The following FMNL2 variants were observed in gnomAD, a reference collection of about 807,000 sequenced individuals.
FMNL2 encodes the protein formin-like protein 2.
In FMNL2, 51 loss-of-function variants were observed where a neutral mutation model predicts 130.2. That is an observed-to-expected ratio of 0.39 (90% CI 0.31 to 0.49). The LOEUF (loss-of-function observed/expected upper bound fraction) is 0.49. Among genes scored for constraint, FMNL2 ranks in the 20% least tolerant of loss-of-function variants. FMNL2 has a pLI of 0.85. For synonymous variants in FMNL2, 465 were observed against 467.1 expected (o/e 1.00, Z 0.06); for missense variants, 977 against 1,316.2 (o/e 0.74, Z 3.99).
intron 14 of FMNL2, 23 bp from the exon 15 acceptor site, chr2:152,619,486 T>C (rs1699121309): frequency 6.5e-7 from 1 of 1,549,740 alleles, no homozygotes; most frequent in African/African-American, 1.4e-5. Context: ...TCAAAGTCCA[T>C]CTGTTTCTTT....
chr2:152,381,810 C>CTTTT (rs3047878), intron 1 of FMNL2, among the ~76,000 whole-genome samples: 4 of 149,910 alleles, frequency 2.7e-5, no homozygotes, highest in African/African-American at 4.9e-5. Flanking sequence ...CAAAGCAGAA[C>CTTTT]TTTTTTTTTT....
In FMNL2 at chr2:152,631,543, A is replaced by G. The variant is rs542036519; in HGVS notation, c.2551-465A>G. ...GATTACAGCGTGGATCCACTTGACA[A>G]AGGGGTGATTCTCGGTCTAGGGTGG... On this transcript the variant is annotated intron_variant, in intron 20 of 25. Transcript: ENST00000288670. Among the ~76,000 whole-genome samples, 13 of 152,206 alleles carry G rather than the reference A, an allele frequency of 8.5e-5. No homozygotes were observed. The South Asian group carries it at 2.5e-3, about 29-fold the overall frequency.
At position 152,367,501 on chromosome 2, in the gene FMNL2, C is replaced by T. The variant is rs373554607; in HGVS notation, c.117+31781C>T. On this transcript the variant is annotated intron_variant, in intron 1 of 25. Coordinates refer to ENST00000288670, the MANE Select transcript of FMNL2 (RefSeq NM_052905.4). ...AAATGTTTGATATTTTAGTTGACAG[C>T]GTTCTTAAGCAATAATTTTGGCATC... Among the ~76,000 whole-genome samples, 9 of 152,268 alleles carry T rather than the reference C, an allele frequency of 5.9e-5. No individual in the cohort carries two copies. The East Asian group carries it at 9.6e-4, about 16-fold the overall frequency.
At chr2:152,475,392 G>C (rs1690090596) in intron 1 of FMNL2, among the ~76,000 whole-genome samples, 1 of 152,166 alleles carries the variant, frequency 6.6e-6, no homozygotes, top group South Asian at 2.1e-4. Flanking sequence ...CTTAGACCAA[G>C]TTCTTGACAC....
At chr2:152,640,137 G>A (rs1242402898) in intron 24 of FMNL2, 81 bp downstream of exon 24, 12 of 1,266,010 alleles carry the variant, frequency 9.5e-6, no homozygotes, top group Non-Finnish European at 1.3e-5. Context: ...CAAAGGACCA[G>A]CAAGCCAGGT....
At chr2:152,402,780 C>T (rs985806432) in intron 1 of FMNL2, among the ~76,000 whole-genome samples, 3 of 152,154 alleles carry the variant, frequency 2.0e-5, no homozygotes, top group Non-Finnish European at 4.4e-5. Context: ...CCATTATTAT[C>T]TTAAGTTAGA....
intron 15 of FMNL2, among the ~76,000 whole-genome samples, chr2:152,621,815 A>G (rs1681335133): frequency 1.3e-5 from 2 of 152,186 alleles, no homozygotes; most frequent in South Asian, 2.1e-4. Flanking sequence ...AAGAGGCCAG[A>G]CAGAATCAGG....
chr2:152,534,372 A>G (rs531859403), intron 2 of FMNL2, among the ~76,000 whole-genome samples: 2 of 152,326 alleles, frequency 1.3e-5, no homozygotes, highest in East Asian at 3.9e-4. Context: ...TATGATAATT[A>G]TACCCACAAT....
chr2:152,629,864 A>C lies in FMNL2; in HGVS notation c.2509A>C (p.Arg837=). Reference sequence around the variant, plus strand: ...TGGAAACTACATGAATAGCAGTAAAAGAGGAGCAGTTTATGGATTTAAACT... The same window carrying C: ...TGGAAACTACATGAATAGCAGTAAACGAGGAGCAGTTTATGGATTTAAACT... The part of the protein sequence containing the change: ...ALGNYMNSSK[R]GAVYGFKLQS... Residue 837 remains arginine, a synonymous_variant, in exon 20 of 26, where the codon AGA becomes CGA. Transcript: ENST00000288670. 6.2e-7 allele frequency: 1 copy of C among 1,612,802 alleles called. No homozygotes were observed. The highest frequency in any genetic ancestry group is 8.5e-7 in the Non-Finnish European group (1 of 1,179,374).
chr2:152,607,467 A>G, intron 10 of FMNL2, 54 bp downstream of exon 10: 1 of 994,614 alleles, frequency 1.0e-6, no homozygotes. Context: ...CTTTTTTTCT[A>G]AATACACACA....
intron 1 of FMNL2, among the ~76,000 whole-genome samples, chr2:152,494,156 C>T (rs576376255): frequency 2.8e-4 from 43 of 152,304 alleles, no homozygotes; most frequent in African/African-American, 1.0e-3. Flanking sequence ...GTATGATAAA[C>T]GAGGGTCACC....
intron 10 of FMNL2, among the ~76,000 whole-genome samples, chr2:152,608,074 A>G (rs948763677): frequency 2.6e-5 from 4 of 152,178 alleles, no homozygotes; most frequent in African/African-American, 9.7e-5. Flanking sequence ...CTTAATCTGG[A>G]AGGAAGATAG....
intron 1 of FMNL2, among the ~76,000 whole-genome samples, chr2:152,486,432 G>A (rs1170818104): frequency 6.6e-6 from 1 of 152,112 alleles, no homozygotes; most frequent in African/African-American, 2.4e-5. Context: ...TATTTCTTTG[G>A]GGTTATGTGA....
intron 1 of FMNL2, among the ~76,000 whole-genome samples, chr2:152,345,584 T>C (rs1051854713): frequency 2.0e-5 from 3 of 152,238 alleles, no homozygotes; most frequent in Admixed American, 6.5e-5. Context: ...TTCCCTGATA[T>C]GGTCACCTTT....
At chr2:152,620,125 T>A (rs574135224) in intron 15 of FMNL2, among the ~76,000 whole-genome samples, 5 of 152,252 alleles carry the variant, frequency 3.3e-5, no homozygotes, top group South Asian at 4.1e-4. Flanking sequence ...TTTTTTTTTT[T>A]AAATGGTATT....
intron 15 of FMNL2, among the ~76,000 whole-genome samples, chr2:152,624,101 C>T (rs1426586306): frequency 1.7e-4 from 15 of 87,524 alleles, no homozygotes; most frequent in Admixed American, 2.7e-4. Flanking sequence ...CTCCCCTCCC[C>T]TCCCTTCCCT....
At chr2:152,344,392 G>A (rs184383828) in intron 1 of FMNL2, among the ~76,000 whole-genome samples, 248 of 152,190 alleles carry the variant, frequency 1.6e-3, no homozygotes, top group Non-Finnish European at 1.9e-3. Flanking sequence ...AAGATAATGA[G>A]TGTAATAGAA....
intron 12 of FMNL2, 36 bp downstream of exon 12, chr2:152,615,036 T>A: frequency 6.3e-7 from 1 of 1,599,028 alleles, no homozygotes; most frequent in Non-Finnish European, 8.5e-7. Context: ...ATTGCTTACA[T>A]TTCAGCTGGT....
At chr2:152,623,974 G>C (rs2105910783) in intron 15 of FMNL2, among the ~76,000 whole-genome samples, 1 of 149,852 alleles carries the variant, frequency 6.7e-6, no homozygotes. Flanking sequence ...GGAAGAACTT[G>C]CTTTTCAAAA....
Sources: gnomAD v4.1 joint callset for allele counts (sites outside exome capture counted in the v4.1 genomes callset) on GRCh38, gnomAD v4.1.1 for gene constraint, MANE v1.5 for transcripts, NCBI Gene and HGNC (gene_info 2026-07-23, HGNC 2026-07-21) for gene names.